Variants in INF2 observed in about 807,000 individuals in gnomAD.
INF2 encodes inverted formin-2.
Under a neutral mutation model 123.5 loss-of-function variants are expected in INF2, and 43 were observed. The observed-to-expected ratio is 0.35, with a 90% CI of 0.27 to 0.45. The LOEUF is 0.45. Ranked by LOEUF, INF2 falls within the 20% of genes least tolerant of loss-of-function variation. The pLI, the probability that INF2 is intolerant of heterozygous loss-of-function variation, is 1.00. For synonymous variants in INF2, 851 were observed against 745.0 expected, an observed-to-expected ratio of 1.14 and a Z score of -2.32; for missense variants, 1,453 against 1,682.7, an observed-to-expected ratio of 0.86 and a Z score of 2.39.
intron 5 of INF2, 26 bp from the exon 6 acceptor site, chr14:104,706,009 T>C: frequency 6.2e-7 from 1 of 1,602,658 alleles, no homozygotes; most frequent in South Asian, 1.1e-5. Context: ...GCAGCAGGCT[T>C]AGCCCACCTG....
chr14:104,718,997 G>A lies in INF2; in HGVS notation c.*204G>A. The A allele has an allele frequency of 7.8e-6, 10 of 1,275,814 alleles. No individual in the cohort carries two copies. In the South Asian group the frequency reaches 1.6e-4, roughly 21 times the overall value. The allele number at this position is 1,275,814 out of a possible 1,614,324, so 79.0% of individuals were successfully genotyped here. A position where few individuals can be genotyped will look rare whatever the true frequency, so the allele number is the denominator to read the frequency against. On this transcript the variant is annotated 3_prime_UTR_variant, in exon 23 of 23. Transcript: ENST00000392634. ...CCGACAGGCACCAGTGCCCTGCCAG[G>A]CCTGGTGCCCTCCTGGACCGCCTGC...
chr14:104,712,665 T>C, intron 17 of INF2, 112 bp downstream of exon 17: 1 of 1,545,444 alleles, frequency 6.5e-7, no homozygotes, highest in Admixed American at 1.7e-5. Context: ...GGCCCGAGTT[T>C]CCCCAGGTGT....
At chr14:104,718,736 C>T (rs1890434842) in intron 22 of INF2, 59 bp from the exon 23 acceptor site, 1 of 1,595,800 alleles carries the variant, frequency 6.3e-7, no homozygotes, top group South Asian at 1.1e-5. Flanking sequence ...GAAGCGGGCA[C>T]CTGATATTGT....
In INF2 at chr14:104,703,945, C is replaced by T; in HGVS notation, c.697C>T (p.Leu233=). Residue 233 remains leucine, a synonymous_variant, in exon 5 of 23, where the codon CTG becomes TTG. Transcript: ENST00000392634. The stretch of plus-strand genomic sequence containing the variant: ...GCAGCTGCTGGACGTCCTGGCTCGC[C>T]TGCGGTGAGTCCCCACTGTAGCGGT... ...GLQLLDVLAR[L]RDLEDADLLI... is the part of the protein sequence containing the mutation. The T allele has an allele frequency of 6.2e-7, 1 of 1,610,400 alleles. No homozygotes were observed. Among genetic ancestry groups the T allele is most frequent in the Non-Finnish European group, 8.5e-7 (1 of 1,179,978 alleles).
chr14:104,706,821 G>A, intron 6 of INF2, 89 bp from the exon 7 acceptor site: 2 of 1,478,620 alleles, frequency 1.4e-6, no homozygotes, highest in Non-Finnish European at 1.8e-6. Flanking sequence ...GGGGGTGATG[G>A]GGCTGGACAC....
intron 18 of INF2, 45 bp downstream of exon 18, chr14:104,713,037 T>G: frequency 6.2e-7 from 1 of 1,610,074 alleles, no homozygotes. Context: ...TAGAGTGGGG[T>G]CCCGAGGCCC....
At position 104,714,252 on chromosome 14, in the gene INF2, C is replaced by T. The variant is rs1306938117; in HGVS notation, c.3090C>T (p.Pro1030=). 10 of 1,588,214 alleles carry T rather than the reference C, an allele frequency of 6.3e-6. No homozygotes were observed. Among genetic ancestry groups the T allele is most frequent in the East Asian group, 2.3e-5 (1 of 43,604 alleles). The part of the protein sequence containing the change: ...AGDPVGSTRC[P]ASEPGLDATT... ...ATCCCGTGGGCAGCACGCGCTGTCC[C>T]GCCTCTGAGCCCGGCCTTGATGCTA... The change falls in exon 21 of 23, where the codon CCC becomes CCT. Residue 1030 remains proline, a synonymous_variant. Coordinates refer to ENST00000392634, the MANE Select transcript of INF2 (RefSeq NM_022489.4).
At chr14:104,707,100 G>A in intron 7 of INF2, 49 bp downstream of exon 7, 1 of 1,543,930 alleles carries the variant, frequency 6.5e-7, no homozygotes, top group Non-Finnish European at 8.7e-7. Context: ...GGCAGACACT[G>A]AGGTCTTAGA....
At chr14:104,703,274 C>T in intron 3 of INF2, 21 bp from the exon 4 acceptor site, 1 of 1,613,042 alleles carries the variant, frequency 6.2e-7, no homozygotes, top group Non-Finnish European at 8.5e-7. Context: ...TGGGTGTGCC[C>T]TGACCCCGCC....
In INF2 at chr14:104,709,277, C is replaced by T. The variant is rs539363877; in HGVS notation, c.1950-4C>T. 13 of 1,611,440 alleles carry T rather than the reference C, an allele frequency of 8.1e-6. No individual in the cohort carries two copies. Among genetic ancestry groups the T allele is most frequent in the Non-Finnish European group, 1.0e-5 (12 of 1,178,884 alleles). On this transcript the variant is annotated splice_region_variant and splice_polypyrimidine_tract_variant and intron_variant, in intron 10 of 22. Coordinates refer to ENST00000392634, the MANE Select transcript of INF2 (RefSeq NM_022489.4). ...ACCCCTGCCCGGTCCTCTCCCTGCT[C>T]CAGCTCCAACGAGGAGGTCGCTGCT...
rs1890208367 is a variant in INF2 at position 104,714,665 on chromosome 14, C to G, written c.3503C>G (p.Pro1168Arg). 2.5e-6 allele frequency: 4 copies of G among 1,612,210 alleles called. No homozygotes were observed. The African/African-American group carries it at 5.3e-5, about 22-fold the overall frequency. Reference protein sequence around the residue: ...SRGARPPAAGPGGDEDEDEED... With the variant: ...SRGARPPAAGRGGDEDEDEED... ...GGTGCCAGACCCCCTGCAGCAGGCC[C>G]AGGTGGGGATGAGGACGAGGACGAG... Residue 1168 changes from proline to arginine, a missense_variant, in exon 21 of 23, where the codon CCA becomes CGA. Transcript: ENST00000392634.
chr14:104,687,460 C>CACA (rs1888691722), upstream of INF2, among the ~76,000 whole-genome samples: 2 of 149,400 alleles, frequency 1.3e-5, no homozygotes, highest in Non-Finnish European at 3.0e-5. This position sits in a 1 kb window ranked among gnomAD's most constrained non-coding sequence, Gnocchi z 5.6. Flanking sequence ...GGCCTCCACT[C>CACA]CACACACACA....
At chr14:104,697,132 T>A (rs1277447276) in intron 1 of INF2, among the ~76,000 whole-genome samples, 1 of 152,200 alleles carries the variant, frequency 6.6e-6, no homozygotes, top group Non-Finnish European at 1.5e-5. Flanking sequence ...CAGTGGGGAC[T>A]TCACAGGGGA....
chr14:104,698,284 G>C (rs1381977318), intron 1 of INF2, among the ~76,000 whole-genome samples: 1 of 152,252 alleles, frequency 6.6e-6, no homozygotes, highest in Non-Finnish European at 1.5e-5. Context: ...GTGCCCCTGA[G>C]ATCAGTAAAC....
upstream of INF2, among the ~76,000 whole-genome samples, chr14:104,688,909 G>T (rs1233042744): frequency 6.6e-6 from 1 of 152,268 alleles, no homozygotes; most frequent in South Asian, 2.1e-4. Context: ...TGTCGGCGGT[G>T]GGGGGATGGG....
intron 4 of INF2, 98 bp downstream of exon 4, chr14:104,703,552 G>A (rs1889633052): frequency 6.6e-7 from 1 of 1,507,592 alleles, no homozygotes; most frequent in East Asian, 2.3e-5. Flanking sequence ...CGCCACAAAA[G>A]CTGCCCCCGA....
intron 1 of INF2, chr14:104,683,975 C>T (rs1888597955): frequency 1.8e-5 from 8 of 451,774 alleles, no homozygotes; most frequent in Middle Eastern, 6.6e-4. Flanking sequence ...CAAAGGAGCA[C>T]CTCCAGGGAG....
intron 5 of INF2, among the ~76,000 whole-genome samples, chr14:104,705,030 T>TC (rs34166769): frequency 0.41 from 63,011 of 152,154 alleles, 15,115 homozygotes; most frequent in African/African-American, 0.66. Context: ...AGAAGCTCTA[T>TC]CCAGGCCTCA....
intron 1 of INF2, among the ~76,000 whole-genome samples, chr14:104,697,584 G>C (rs1467742814): frequency 1.3e-5 from 2 of 152,244 alleles, no homozygotes; most frequent in Non-Finnish European, 2.9e-5. Context: ...GCGGTGGCCC[G>C]GTGGCTTCCC....
Sources: gnomAD v4.1 joint callset for allele counts (sites outside exome capture counted in the v4.1 genomes callset) on GRCh38, gnomAD v4.1.1 for gene constraint, Gnocchi (gnomAD v3.1) non-coding constraint, MANE v1.5 for transcripts, NCBI Gene and HGNC (gene_info 2026-07-23, HGNC 2026-07-21) for gene names.